The following PTBP1 variants were observed in gnomAD, a reference collection of about 807,000 sequenced individuals.
PTBP1 encodes polypyrimidine tract binding protein 1, also known as polypyrimidine tract-binding protein 1.
A neutral mutation model predicts 59.8 loss-of-function variants in PTBP1; 8 were observed. The observed-to-expected ratio is 0.13, with a 90% CI of 0.08 to 0.24. PTBP1 has a LOEUF of 0.24. Among genes scored for constraint, PTBP1 ranks in the 10% least tolerant of loss-of-function variants. The probability of loss-of-function intolerance (pLI) is 1.00; values close to 1 mark genes in which losing one functional copy is unlikely to be tolerated. For missense variants in PTBP1, 686 were observed against 767.0 expected, an observed-to-expected ratio of 0.89 and a Z score of 1.25; for synonymous variants, 490 against 320.7, an observed-to-expected ratio of 1.53 and a Z score of -5.64.
chr19:806,458 T>TCGG lies in PTBP1; in HGVS notation c.1032_1034dup (p.Ala349dup), dbSNP rs571277518. 7.2e-5 allele frequency: 115 copies of TCGG among 1,597,950 alleles called. 1 individual carries two copies. The highest frequency in any genetic ancestry group is 6.8e-4 in the South Asian group (61 of 90,310). ...CGCCCTGGCCCCCCTGGCCATCCCCTCGGCGGCGGCGGCAGCTGCGGCGGC... is the reference window on the plus strand; with the variant it reads ...CGCCCTGGCCCCCCTGGCCATCCCCTCGGCGGCGGCGGCGGCAGCTGCGGCGGC... On this transcript the variant is annotated inframe_insertion, in exon 10 of 15. Transcript: ENST00000356948.
Position 808,361 on chromosome 19 carries a change from C to T in PTBP1, c.1155C>T (p.Gly385=), listed in dbSNP as rs149636047. 78 of 1,595,296 alleles carry T rather than the reference C, an allele frequency of 4.9e-5. No homozygotes were observed. The highest frequency in any genetic ancestry group is 6.1e-5 in the Non-Finnish European group (72 of 1,172,356). Residue 385 remains glycine (G), a splice_region_variant and synonymous_variant, in exon 12 of 15, where the codon GGC becomes GGT. Transcript: ENST00000356948. The surrounding 1 kb of genome is among the most constrained non-coding windows in gnomAD (Gnocchi z 4.7). The part of the protein sequence containing the change: ...VTPQSLFILF[G]VYGDVQRVKI... ...GGCCCCATCCCTGGGCTTTTGAAGG[C>T]GTCTACGGTGACGTGCAGCGCGTGA...
At chr19:803,270 G>A (rs2034416681) in intron 2 of PTBP1, among the ~76,000 whole-genome samples, 1 of 152,212 alleles carries the variant, frequency 6.6e-6, no homozygotes, top group African/African-American at 2.4e-5. Flanking sequence ...TGGAGATAGT[G>A]TACGTGGTGC....
At position 806,550 on chromosome 19, in the gene PTBP1, C is replaced by T. The variant is rs138867644; in HGVS notation, c.1113C>T (p.Asn371=). The T allele has an allele frequency of 1.3e-6, 2 of 1,516,288 alleles. No homozygotes were observed. The highest frequency in any genetic ancestry group is 1.8e-6 in the Non-Finnish European group (2 of 1,132,360). 93.9% of individuals were successfully genotyped at this position (1,516,288 alleles called of 1,614,324 possible). Residue 371 remains asparagine (N), a synonymous_variant, in exon 10 of 15, where the codon AAC becomes AAT. Transcript: ENST00000356948. ...CTGTATTGCTGGTCAGCAACCTCAA[C>T]CCAGAGGTACGTGGGCTTTTCCTCC... The part of the protein sequence containing the change: ...GNSVLLVSNL[N]PERVTPQSLF...
chr19:807,113 GC>G (rs146949132), intron 10 of PTBP1: 23,970 of 152,340 alleles, frequency 0.16, 2,134 homozygotes, highest in South Asian at 0.23. Flanking sequence ...TCAAGGCGGT[GC>G]CCAGCCTGGC....
chr19:806,592 C>T (rs773042052), intron 10 of PTBP1, 36 bp downstream of exon 10: 56 of 1,465,006 alleles, frequency 3.8e-5, no homozygotes, highest in Admixed American at 5.2e-5. Context: ...CCGTTCCTCC[C>T]GGAAGAGCGA....
Position 804,301 on chromosome 19 carries a change from G to A in PTBP1, c.298G>A (p.Glu100Lys), listed in dbSNP as rs1002348566. The A allele has an allele frequency of 6.2e-7, 1 of 1,613,760 alleles. No homozygotes were observed. The highest frequency in any genetic ancestry group is 8.5e-7 in the Non-Finnish European group (1 of 1,179,944). ...MLKGKNQAFI[E>K]MNTEEAANTM... ...ACTGCCTCCCCAACAGGCCTTCATCGAGATGAACACGGAGGAGGCTGCCAA... is the reference window on the plus strand; with the variant it reads ...ACTGCCTCCCCAACAGGCCTTCATCAAGATGAACACGGAGGAGGCTGCCAA... Residue 100 changes from glutamate to lysine, a missense_variant, in exon 5 of 15, where the codon GAG becomes AAG. Coordinates refer to ENST00000356948, the MANE Select transcript of PTBP1 (RefSeq NM_002819.5).
rs2034484085 is a variant in PTBP1 at position 804,682 on chromosome 19, A to G, written c.586A>G (p.Thr196Ala). 1 of 1,612,582 alleles carries G rather than the reference A, an allele frequency of 6.2e-7. No individual in the cohort carries two copies. ...CGTGGAGAACCTCTTCTACCCTGTG[A>G]CCCTGGATGTGCTGCACCAGGTGAG... The part of the protein sequence containing the change: ...IIVENLFYPV[T>A]LDVLHQIFSK... The change falls in exon 6 of 15, where the codon ACC becomes GCC. Residue 196 changes from threonine to alanine, a missense_variant. Coordinates refer to ENST00000356948, the MANE Select transcript of PTBP1 (RefSeq NM_002819.5).
At chr19:804,488 G>A (rs1483532449) in intron 5 of PTBP1, 44 bp from the exon 6 acceptor site, 1 of 1,593,856 alleles carries the variant, frequency 6.3e-7, no homozygotes, top group Admixed American at 1.7e-5. Context: ...TCGGGGGTGG[G>A]CCCAGCCGCA....
chr19:810,019 A>G (rs2034781117), intron 13 of PTBP1, among the ~76,000 whole-genome samples: 1 of 152,234 alleles, frequency 6.6e-6, no homozygotes, highest in African/African-American at 2.4e-5. Context: ...CAGAAAATCA[A>G]CAAGGGGCCT....
chr19:808,293 G>T lies in PTBP1; in HGVS notation c.1154-67G>T. The T allele has an allele frequency of 1.5e-6, 2 of 1,341,598 alleles. No homozygotes were observed. The highest frequency in any genetic ancestry group is 1.3e-5 in the South Asian group (1 of 79,770). The allele number at this position is 1,341,598 out of a possible 1,614,324, so 83.1% of individuals were successfully genotyped here. On this transcript the variant is annotated intron_variant, in intron 11 of 14. Transcript: ENST00000356948. The surrounding 1 kb of genome is among the most constrained non-coding windows in gnomAD (Gnocchi z 4.7). ...GGGCCTTGTGGGGGTGCGCGGGGCC[G>T]GGGCTGACGGGGAGATGGGCGGGGC...
rs2034695835 is a variant in PTBP1, at chr19:808,617, G to T, written c.1318G>T (p.Val440Leu). 1 of 1,610,146 alleles carries T rather than the reference G, an allele frequency of 6.2e-7. No homozygotes were observed. The highest frequency in any genetic ancestry group is 8.5e-7 in the Non-Finnish European group (1 of 1,179,440). The change falls in exon 13 of 15, where the codon GTG (valine) becomes TTG (leucine). Residue 440 changes from valine (V) to leucine (L), a missense_variant. Physicochemically the swap from Val to Leu is conservative, Grantham distance 32. Transcript: ENST00000356948. This position sits in a 1 kb window ranked among gnomAD's most constrained non-coding sequence, Gnocchi z 4.7. ...IRITLSKHQN[V>L]QLPREGQEDQ... is the part of the protein sequence containing the mutation. ...CATCACGCTCTCGAAGCACCAGAAC[G>T]TGCAGCTGCCCCGCGAGGGCCAGGA...
rs1353540063 is a variant in PTBP1 at position 805,090 on chromosome 19, C to G, written c.795C>G (p.Val265=). ...IDFSKLTSLN[V]KYNNDKSRDY... Reference sequence around the variant, plus strand: ...TTTCCAAGCTCACCAGCCTCAACGTCAAGTACAACAATGACAAGAGCCGTG... The same window carrying G: ...TTTCCAAGCTCACCAGCCTCAACGTGAAGTACAACAATGACAAGAGCCGTG... Residue 265 remains valine, a synonymous_variant, in exon 8 of 15, where the codon GTC becomes GTG. Coordinates refer to ENST00000356948, the MANE Select transcript of PTBP1 (RefSeq NM_002819.5). The G allele has an allele frequency of 2.5e-6, 4 of 1,613,904 alleles. No homozygotes were observed. Among genetic ancestry groups the G allele is most frequent in the Non-Finnish European group, 8.5e-7 (1 of 1,179,888 alleles).
intron 10 of PTBP1, chr19:807,268 A>T (rs1240135585): frequency 6.5e-6 from 1 of 152,860 alleles, no homozygotes; most frequent in Non-Finnish European, 1.5e-5. Flanking sequence ...TTAGAGACTG[A>T]CTTGTGCCAC....
At chr19:810,401 T>A in intron 13 of PTBP1, 142 bp from the exon 14 acceptor site, 1 of 643,838 alleles carries the variant, frequency 1.6e-6, no homozygotes, top group Non-Finnish European at 2.7e-6. Context: ...TGGACATGAT[T>A]TGATACCCCA....
chr19:797,716 C>G (rs1022660183), intron 1 of PTBP1, among the ~76,000 whole-genome samples: 1 of 148,704 alleles, frequency 6.7e-6, no homozygotes, highest in African/African-American at 2.4e-5. Context: ...CCCGTCCGGC[C>G]CGCTTCCGGC....
intron 2 of PTBP1, among the ~76,000 whole-genome samples, chr19:801,489 A>G (rs2034331359): frequency 6.6e-6 from 1 of 152,364 alleles, no homozygotes; most frequent in South Asian, 2.1e-4. Context: ...GCTCAGAGGA[A>G]GCGGCCCCGC....
chr19:801,149 C>T lies in PTBP1; in HGVS notation c.39+1706C>T, dbSNP rs1402469410. Reference sequence around the variant, plus strand: ...ACCTAGGAACTGTGCTGTAGGGCCCCAGCTGCAGACTGGAAGTCCTGGGGC... The same window carrying T: ...ACCTAGGAACTGTGCTGTAGGGCCCTAGCTGCAGACTGGAAGTCCTGGGGC... On this transcript the variant is annotated intron_variant, in intron 2 of 14. Transcript: ENST00000356948. 2.0e-5 allele frequency among the ~76,000 whole-genome samples: 3 copies of T among 152,288 alleles called. No individual in the cohort carries two copies. The East Asian group carries it at 5.8e-4, about 29-fold the overall frequency.
chr19:798,927 C>G (rs558518543), intron 1 of PTBP1, among the ~76,000 whole-genome samples: 5 of 152,248 alleles, frequency 3.3e-5, no homozygotes, highest in African/African-American at 9.6e-5. Flanking sequence ...CTGCTCTCCT[C>G]GGTGGATCGG....
At chr19:805,273 C>T in intron 8 of PTBP1, 86 bp downstream of exon 8, 4 of 1,486,322 alleles carry the variant, frequency 2.7e-6, no homozygotes, top group South Asian at 1.2e-5. Context: ...CGGGCCCGGC[C>T]CTGCACCAGG....
Sources: gnomAD v4.1 joint callset for allele counts (sites outside exome capture counted in the v4.1 genomes callset) on GRCh38, gnomAD v4.1.1 for gene constraint, Gnocchi (gnomAD v3.1) non-coding constraint, MANE v1.5 for transcripts, NCBI Gene and HGNC (gene_info 2026-07-23, HGNC 2026-07-21) for gene names.